The following NEMP2 variants were observed in gnomAD, a reference collection of about 807,000 sequenced individuals.
NEMP2 encodes nuclear envelope integral membrane protein 2, also known as UPF0571 transmembrane protein.
In NEMP2, 53 loss-of-function variants were observed where a neutral mutation model predicts 54.2. The ratio of observed to expected loss-of-function variants is 0.98; its 90% CI spans 0.78 to 1.23. NEMP2 has a LOEUF of 1.23. Ranked by LOEUF, NEMP2 falls within the 50% of genes most tolerant of loss-of-function variation. NEMP2 has a pLI of 0.00. For synonymous variants in NEMP2, 197 were observed against 190.3 expected (o/e 1.04, Z -0.29); for missense variants, 455 against 511.3 (o/e 0.89, Z 1.06).
the NEMP2 span, chr2:190,436,751 C>T: frequency 3.1e-6 from 5 of 1,614,212 alleles, no homozygotes; most frequent in Non-Finnish European, 3.4e-6. The surrounding 1 kb of genome is among the most constrained non-coding windows in gnomAD (Gnocchi z 5.3). Flanking sequence ...ATGGACTTGA[C>T]TTTGAACTCA....
At chr2:190,640,287 T>G in the NEMP2 span, among the ~76,000 whole-genome samples, 1 of 152,240 alleles carries the variant, frequency 6.6e-6, no homozygotes, top group East Asian at 1.9e-4. Context: ...TGAAATCATA[T>G]GGACATGTTG....
chr2:190,647,028 C>T, the NEMP2 span, among the ~76,000 whole-genome samples: 1 of 152,188 alleles, frequency 6.6e-6, no homozygotes, highest in Admixed American at 6.5e-5. Flanking sequence ...ACCTTCCCCA[C>T]CAACCAAGAA....
In NEMP2 at chr2:190,523,558, A is replaced by T. The variant is rs1245696441; in HGVS notation, c.213+1705T>A. Among the ~76,000 whole-genome samples, 3 of 152,314 alleles carry T rather than the reference A, an allele frequency of 2.0e-5. No individual in the cohort carries two copies. In the East Asian group the frequency reaches 5.8e-4, roughly 29 times the overall value. ...TGCGTGTGTATGTGTTTGTACACAC[A>T]TGATGATATGCTAGTAGCAATGAAC... On this transcript the variant is annotated intron_variant, in intron 2 of 8. Coordinates refer to ENST00000409150, the MANE Select transcript of NEMP2 (RefSeq NM_001142645.2). This position sits in a 1 kb window ranked among gnomAD's most constrained non-coding sequence, Gnocchi z 5.3.
chr2:190,599,173 C>G, the NEMP2 span, among the ~76,000 whole-genome samples: 3 of 152,092 alleles, frequency 2.0e-5, no homozygotes, highest in Non-Finnish European at 4.4e-5. Flanking sequence ...ATCAGTTTCT[C>G]CATCTATAAA....
At chr2:190,482,230 C>G in the NEMP2 span, among the ~76,000 whole-genome samples, 1 of 152,144 alleles carries the variant, frequency 6.6e-6, no homozygotes. Context: ...CTACTCCTGT[C>G]TCCTGTTCAT....
chr2:190,580,752 A>G, the NEMP2 span, among the ~76,000 whole-genome samples: 4 of 152,304 alleles, frequency 2.6e-5, no homozygotes, highest in Non-Finnish European at 5.9e-5. The surrounding 1 kb of genome is among the most constrained non-coding windows in gnomAD (Gnocchi z 5.3). Context: ...ATTCCTCCAC[A>G]GACTGACATT....
At chr2:190,503,919 G>T (rs892013500), downstream of NEMP2, among the ~76,000 whole-genome samples, 7 of 152,304 alleles carry the variant, frequency 4.6e-5, no homozygotes, top group Admixed American at 4.6e-4. The surrounding 1 kb of genome is among the most constrained non-coding windows in gnomAD (Gnocchi z 6.3). Context: ...AACATGGGGG[G>T]AAAGTGAGCC....
At chr2:190,622,909 G>T in the NEMP2 span, among the ~76,000 whole-genome samples, 1 of 152,012 alleles carries the variant, frequency 6.6e-6, no homozygotes, top group Non-Finnish European at 1.5e-5. Context: ...TATAATGTTT[G>T]CAAACAATAT....
the NEMP2 span, among the ~76,000 whole-genome samples, chr2:190,482,453 C>T: frequency 6.7e-6 from 1 of 148,180 alleles, no homozygotes; most frequent in Non-Finnish European, 1.5e-5. Flanking sequence ...TTGGTCTATT[C>T]ATGGGAAAGG....
At chr2:190,488,861 A>T in the NEMP2 span, 2 of 1,486,050 alleles carry the variant, frequency 1.3e-6, no homozygotes, top group South Asian at 1.4e-5. This position sits in a 1 kb window ranked among gnomAD's most constrained non-coding sequence, Gnocchi z 6.4. Context: ...TATTATTAAA[A>T]CATGATTTTT....
chr2:190,468,530 G>C, the NEMP2 span, among the ~76,000 whole-genome samples: 1 of 151,570 alleles, frequency 6.6e-6, no homozygotes, highest in Non-Finnish European at 1.5e-5. Flanking sequence ...ATGGCTCAGG[G>C]CAGCCTAGAC....
chr2:190,466,892 G>A, the NEMP2 span, among the ~76,000 whole-genome samples: 1 of 152,284 alleles, frequency 6.6e-6, no homozygotes, highest in East Asian at 1.9e-4. Context: ...TTGTGAACCG[G>A]TCACTCCAGT....
At chr2:190,567,648 C>CATTT in the NEMP2 span, among the ~76,000 whole-genome samples, 145 of 152,066 alleles carry the variant, frequency 9.5e-4, no homozygotes, top group South Asian at 8.3e-3. The surrounding 1 kb of genome is among the most constrained non-coding windows in gnomAD (Gnocchi z 4.0). Flanking sequence ...GGGATAATTT[C>CATTT]ATTTATTTAT....
At chr2:190,440,878 G>C in the NEMP2 span, among the ~76,000 whole-genome samples, 2 of 152,186 alleles carry the variant, frequency 1.3e-5, no homozygotes, top group African/African-American at 2.4e-5. Flanking sequence ...GCTAGTAAGA[G>C]GAGGAACACC....
chr2:190,534,352 C>T, intron 1 of NEMP2: 1 of 1,202,034 alleles, frequency 8.3e-7, no homozygotes, highest in Non-Finnish European at 1.0e-6. Flanking sequence ...TACAAAATGT[C>T]CAACTGCCAG....
At chr2:190,468,158 T>A in the NEMP2 span, among the ~76,000 whole-genome samples, 1 of 152,198 alleles carries the variant, frequency 6.6e-6, no homozygotes, top group African/African-American at 2.4e-5. Flanking sequence ...GTTTGTTCAA[T>A]AAAAGTTTCA....
At chr2:190,452,331 A>C in the NEMP2 span, among the ~76,000 whole-genome samples, 1 of 151,946 alleles carries the variant, frequency 6.6e-6, no homozygotes, top group African/African-American at 2.4e-5. Context: ...TTATGGGATA[A>C]TATTTTAAAA....
At chr2:190,618,273 TCC>T in the NEMP2 span, among the ~76,000 whole-genome samples, 2 of 152,184 alleles carry the variant, frequency 1.3e-5, no homozygotes, top group African/African-American at 4.8e-5. Context: ...AATCAGTTCT[TCC>T]CCTTTGCCAG....
chr2:190,486,148 G>A, the NEMP2 span, among the ~76,000 whole-genome samples: 14 of 152,302 alleles, frequency 9.2e-5, no homozygotes, highest in African/African-American at 3.4e-4. Flanking sequence ...TTTAGCCTAC[G>A]GCTAATTATT....
Sources: allele counts gnomAD v4.1 joint callset (sites outside exome capture counted in the v4.1 genomes callset), GRCh38; gene constraint gnomAD v4.1.1; non-coding constraint Gnocchi (gnomAD v3.1); transcripts MANE v1.5; gene names NCBI Gene and HGNC (gene_info 2026-07-23, HGNC 2026-07-21).